RBFOX1: variants seen among roughly 807,000 people sequenced by gnomAD.
The protein encoded by RBFOX1 is RNA binding fox-1 homolog 1, also known as RNA binding protein fox-1 homolog 1.
A neutral mutation model predicts 57.7 loss-of-function variants in RBFOX1; 8 were observed. The ratio of observed to expected loss-of-function variants is 0.14; its 90% CI spans 0.08 to 0.25. The LOEUF is 0.25. Ranked by LOEUF, RBFOX1 falls within the 10% of genes least tolerant of loss-of-function variation. The pLI is 1.00. For synonymous variants in RBFOX1, 326 were observed against 222.4 expected (o/e 1.47, Z -4.15); for missense variants, 611 against 548.5 (o/e 1.11, Z -1.14).
intron 11 of RBFOX1, among the ~76,000 whole-genome samples, chr16:7,645,068 AATC>A (rs2063496278): frequency 6.6e-6 from 1 of 152,214 alleles, no homozygotes; most frequent in Non-Finnish European, 1.5e-5. Flanking sequence ...CAGCTTGGAC[AATC>A]AGGCCAGCAC....
chr16:6,437,813 C>A (rs1301969057), intron 2 of RBFOX1, among the ~76,000 whole-genome samples: 2 of 152,150 alleles, frequency 1.3e-5, no homozygotes, highest in Admixed American at 1.3e-4. Flanking sequence ...AGAACTCATT[C>A]ATTATCAGGA....
chr16:6,483,795 G>A (rs769758978), intron 2 of RBFOX1: 5 of 1,383,544 alleles, frequency 3.6e-6, no homozygotes, highest in Non-Finnish European at 4.7e-6. Context: ...ACACGGTGGC[G>A]GCGTGTGCGC....
intron 2 of RBFOX1, among the ~76,000 whole-genome samples, chr16:6,604,386 A>T (rs1445442436): frequency 6.6e-6 from 1 of 152,134 alleles, no homozygotes; most frequent in Non-Finnish European, 1.5e-5. Flanking sequence ...TTTGTTGCCC[A>T]AGCAGGACTT....
chr16:5,724,533 C>A (rs1032392646), intron 3 of RBFOX1, among the ~76,000 whole-genome samples: 1 of 152,152 alleles, frequency 6.6e-6, no homozygotes, highest in Non-Finnish European at 1.5e-5. Flanking sequence ...ACTGTGAGAG[C>A]TTAGGGAAGG....
At chr16:6,331,390 T>C (rs1038748786) in intron 2 of RBFOX1, among the ~76,000 whole-genome samples, 2 of 151,978 alleles carry the variant, frequency 1.3e-5, no homozygotes, top group African/African-American at 4.8e-5. Flanking sequence ...GAGGTTGCAG[T>C]GAGCCAAGTT....
chr16:5,846,588 G>T (rs2056763422), intron 3 of RBFOX1, among the ~76,000 whole-genome samples: 1 of 152,192 alleles, frequency 6.6e-6, no homozygotes, highest in African/African-American at 2.4e-5. Flanking sequence ...CACAGCCAGT[G>T]AGCTGTGGAG....
intron 1 of RBFOX1, among the ~76,000 whole-genome samples, chr16:6,281,207 C>A (rs79400089): frequency 4.6e-5 from 7 of 151,990 alleles, no homozygotes; most frequent in Admixed American, 1.3e-4. Context: ...TTCAGAGGTG[C>A]TTACTCCATG....
rs574273801 is a variant in RBFOX1, at chr16:7,582,958, C to G, written c.414+3038C>G. ...ACGTCTGTAACCACTAATAATTCGA[C>G]CATACCATCTGCAACCGTTACATGC... On this transcript the variant is annotated intron_variant, in intron 6 of 15. Transcript: ENST00000550418. 8.5e-5 allele frequency among the ~76,000 whole-genome samples: 13 copies of G among 152,282 alleles called. 1 individual carries two copies. Among genetic ancestry groups the G allele is most frequent in the African/African-American group, 2.6e-4 (11 of 41,570 alleles).
At position 7,448,927 on chromosome 16, in the gene RBFOX1, G is replaced by GTTTTTTTTTTTTTTTTT. The variant is rs71147700; in HGVS notation, c.28-69217_28-69201dup. 1.2e-4 allele frequency among the ~76,000 whole-genome samples: 10 copies of GTTTTTTTTTTTTTTTTT among 82,964 alleles called. 2 individuals are homozygous for GTTTTTTTTTTTTTTTTT. Among genetic ancestry groups the GTTTTTTTTTTTTTTTTT allele is most frequent in the Non-Finnish European group, 1.7e-4 (8 of 46,002 alleles). The allele number at this position is 82,964 out of a possible 152,430, so 54.4% of individuals were successfully genotyped here. A position where few individuals can be genotyped will look rare whatever the true frequency, so the allele number is the denominator to read the frequency against. ...CTTGGTAGACATTTTTCTTTCCCCT[G>GTTTTTTTTTTTTTTTTT]TTTTTTTTTTTTTTTTTTTGAGATG... On this transcript the variant is annotated intron_variant, in intron 4 of 15. Transcript: ENST00000550418.
intron 1 of RBFOX1, among the ~76,000 whole-genome samples, chr16:6,148,422 T>C (rs2096774581): frequency 6.6e-6 from 1 of 152,248 alleles, no homozygotes; most frequent in Admixed American, 6.5e-5. Context: ...AAGCTCATTC[T>C]AGTCTTAGAA....
chr16:6,568,500 C>T (rs1042364297), intron 2 of RBFOX1, among the ~76,000 whole-genome samples: 2 of 152,124 alleles, frequency 1.3e-5, no homozygotes, highest in African/African-American at 4.8e-5. Context: ...ATAACCCAAC[C>T]TCAGAGTGAC....
intron 5 of RBFOX1, among the ~76,000 whole-genome samples, chr16:7,538,026 G>T (rs1252574824): frequency 6.6e-6 from 1 of 152,202 alleles, no homozygotes; most frequent in Non-Finnish European, 1.5e-5. Context: ...GTCAGACATT[G>T]TCTGTGCCCG....
At chr16:6,901,497 A>C (rs2068485670) in intron 3 of RBFOX1, among the ~76,000 whole-genome samples, 2 of 152,200 alleles carry the variant, frequency 1.3e-5, no homozygotes, top group Admixed American at 6.5e-5. Context: ...ATGACTCTCG[A>C]CCTGGAATGA....
chr16:7,193,652 C>A (rs139339402), intron 4 of RBFOX1, among the ~76,000 whole-genome samples: 1 of 152,198 alleles, frequency 6.6e-6, no homozygotes, highest in East Asian at 1.9e-4. Context: ...GATACTGCAA[C>A]AGTGTGATGT....
At chr16:6,599,511 G>A (rs1601081400) in intron 2 of RBFOX1, among the ~76,000 whole-genome samples, 1 of 152,174 alleles carries the variant, frequency 6.6e-6, no homozygotes, top group Non-Finnish European at 1.5e-5. Context: ...ACACTAATAA[G>A]TGAGAGAATC....
At position 6,276,480 on chromosome 16, in the gene RBFOX1, A is replaced by T. The variant is rs1203421440; in HGVS notation, c.-126-40515A>T. ...CAGCCTCCCAAGTAGCTGGGATTAC[A>T]GGAGTGTGCCACCATGCCCAGCGAA... On this transcript the variant is annotated intron_variant, in intron 1 of 15. Coordinates refer to ENST00000550418, the MANE Select transcript of RBFOX1 (RefSeq NM_018723.4). 2.0e-5 allele frequency among the ~76,000 whole-genome samples: 3 copies of T among 152,156 alleles called. No individual in the cohort carries two copies. In the South Asian group the frequency reaches 6.2e-4, roughly 32 times the overall value.
intron 3 of RBFOX1, among the ~76,000 whole-genome samples, chr16:5,639,104 A>G (rs910160338): frequency 6.6e-5 from 10 of 152,104 alleles, no homozygotes; most frequent in African/African-American, 2.4e-4. Flanking sequence ...AGATACCTCT[A>G]CTCTAGAGAC....
intron 4 of RBFOX1, among the ~76,000 whole-genome samples, chr16:7,296,064 C>T (rs1051475445): frequency 6.6e-6 from 1 of 151,646 alleles, no homozygotes; most frequent in South Asian, 2.1e-4. Context: ...GTGCCAGTGC[C>T]TATGCTGAGA....
At chr16:7,255,395 C>T (rs1408418079) in intron 4 of RBFOX1, among the ~76,000 whole-genome samples, 3 of 152,016 alleles carry the variant, frequency 2.0e-5, no homozygotes, top group African/African-American at 7.3e-5. Flanking sequence ...TATAAGTATC[C>T]ACTGATAGGG....
Sources: allele counts gnomAD v4.1 joint callset (sites outside exome capture counted in the v4.1 genomes callset), GRCh38; gene constraint gnomAD v4.1.1; transcripts MANE v1.5; gene names NCBI Gene and HGNC (gene_info 2026-07-23, HGNC 2026-07-21).